Variants in UPP2 observed in about 807,000 individuals in gnomAD.
UPP2 encodes the protein UPase 2.
A neutral mutation model predicts 26.7 loss-of-function variants in UPP2; 23 were observed. The ratio of observed to expected loss-of-function variants is 0.86; its 90% CI spans 0.62 to 1.22. UPP2 has a LOEUF of 1.22. UPP2 is among the 50% of genes most tolerant of loss of function. UPP2 has a pLI of 0.00. For synonymous variants in UPP2, 127 were observed against 141.3 expected, an observed-to-expected ratio of 0.90 and a Z score of 0.72; for missense variants, 387 against 396.7, an observed-to-expected ratio of 0.98 and a Z score of 0.21.
At chr2:158,133,357 G>A (rs1683863860) in intron 6 of UPP2, among the ~76,000 whole-genome samples, 1 of 152,172 alleles carries the variant, frequency 6.6e-6, no homozygotes, top group Non-Finnish European at 1.5e-5. Context: ...GTGGTTACCA[G>A]AGTATAGGGG....
At chr2:158,121,293 T>G in intron 4 of UPP2, 116 bp from the exon 5 acceptor site, 1 of 900,294 alleles carries the variant, frequency 1.1e-6, no homozygotes, top group Non-Finnish European at 1.8e-6. Context: ...ATTTTAAAGT[T>G]GAAAACAGGG....
rs34807293 is a variant in UPP2 at position 158,012,263 on chromosome 2, CTTTTTTTTTT to C, written c.62-3522_62-3513del. ...AATAATCTTTCTGAATTGTTTCTAC[CTTTTTTTTTT>C]TTTTTTTTTTTTTTTGAGAGGGGGT... On this transcript the variant is annotated intron_variant, in intron 2 of 9. Transcript: ENST00000605860. Among the ~76,000 whole-genome samples the C allele has an allele frequency of 7.4e-3, 603 of 81,676 alleles. 5 individuals carry two copies. The highest frequency in any genetic ancestry group is 0.024 in the African/African-American group (575 of 24,282). The allele number at this position is 81,676 out of a possible 152,430, so 53.6% of individuals were successfully genotyped here.
At chr2:158,124,189 C>T (rs889751003) in intron 6 of UPP2, among the ~76,000 whole-genome samples, 9 of 152,262 alleles carry the variant, frequency 5.9e-5, no homozygotes, top group Non-Finnish European at 1.0e-4. Flanking sequence ...GTTTCTATTA[C>T]AATTGAATTT....
intron 2 of UPP2, among the ~76,000 whole-genome samples, chr2:158,107,390 T>G (rs948966851): frequency 6.6e-6 from 1 of 152,210 alleles, no homozygotes; most frequent in Admixed American, 6.5e-5. Context: ...ACAAGGAAAT[T>G]AAGTTCAGAG....
chr2:158,055,798 G>A (rs1210386568), intron 3 of UPP2, among the ~76,000 whole-genome samples: 3 of 145,780 alleles, frequency 2.1e-5, no homozygotes, highest in African/African-American at 8.5e-5. Flanking sequence ...TCATGGCGGA[G>A]ATTGTGTTGT....
At chr2:158,008,020 A>G (rs909473355) in intron 2 of UPP2, among the ~76,000 whole-genome samples, 3 of 152,246 alleles carry the variant, frequency 2.0e-5, no homozygotes, top group African/African-American at 7.2e-5. Context: ...ATCTAAGAAT[A>G]CATTTAAGGT....
chr2:158,051,477 A>ATATTT (rs1682157827), intron 3 of UPP2, among the ~76,000 whole-genome samples: 1 of 152,090 alleles, frequency 6.6e-6, no homozygotes, highest in East Asian at 1.9e-4. Flanking sequence ...TATTACTTGG[A>ATATTT]GTGAAGATAA....
intron 2 of UPP2, among the ~76,000 whole-genome samples, chr2:158,015,414 TTTCC>T (rs1370082692): frequency 1.3e-5 from 2 of 152,230 alleles, no homozygotes; most frequent in Admixed American, 6.5e-5. Flanking sequence ...TGTGACATAA[TTTCC>T]TTCCTTTTTT....
intron 3 of UPP2, among the ~76,000 whole-genome samples, chr2:158,070,116 T>C (rs558284801): frequency 6.6e-6 from 1 of 152,268 alleles, no homozygotes; most frequent in East Asian, 1.9e-4. Flanking sequence ...GCTATTTTTA[T>C]ATTATTTAGC....
intron 3 of UPP2, among the ~76,000 whole-genome samples, chr2:158,088,404 T>G (rs1478854930): frequency 6.6e-6 from 1 of 152,218 alleles, no homozygotes; most frequent in Admixed American, 6.5e-5. Context: ...TTTTTAAATT[T>G]TATTAAGTTT....
At chr2:158,040,367 C>T (rs1684067254) in intron 3 of UPP2, among the ~76,000 whole-genome samples, 1 of 152,102 alleles carries the variant, frequency 6.6e-6, no homozygotes, top group African/African-American at 2.4e-5. Flanking sequence ...TTTGTTCATA[C>T]ATCTAGCATT....
chr2:158,062,805 A>G lies in UPP2; in HGVS notation c.148-39235A>G, dbSNP rs370614913. Among the ~76,000 whole-genome samples, 6 of 152,242 alleles carry G rather than the reference A, an allele frequency of 3.9e-5. No individual in the cohort carries two copies. In the East Asian group the frequency reaches 5.8e-4, roughly 15 times the overall value. ...TGCAGAGATAGAAACCAGCTGAACT[A>G]TAAGGGAGATCCAGCATACTGGCAT... On this transcript the variant is annotated intron_variant, in intron 3 of 9. Transcript: ENST00000605860.
chr2:158,088,113 C>T (rs1176907522), intron 3 of UPP2, among the ~76,000 whole-genome samples: 2 of 152,214 alleles, frequency 1.3e-5, no homozygotes, highest in Admixed American at 6.5e-5. Context: ...TCCTCGGGAA[C>T]ACCAATTATT....
intron 5 of UPP2, 98 bp downstream of exon 5, chr2:158,121,716 A>G (rs1683572381): frequency 8.9e-7 from 1 of 1,120,080 alleles, no homozygotes; most frequent in South Asian, 1.5e-5. Context: ...ACTTAAGAAA[A>G]TTAATATTTG....
intron 2 of UPP2, among the ~76,000 whole-genome samples, chr2:158,108,552 A>T (rs1184297861): frequency 2.0e-5 from 3 of 152,052 alleles, no homozygotes; most frequent in Non-Finnish European, 2.9e-5. Flanking sequence ...TGTTTTAGAG[A>T]TAAAAATAAG....
intron 3 of UPP2, among the ~76,000 whole-genome samples, chr2:158,055,218 A>T (rs568439771): frequency 3.3e-5 from 5 of 152,146 alleles, no homozygotes; most frequent in Non-Finnish European, 7.4e-5. Context: ...AGGGTATCAC[A>T]TGGTGAGGGG....
intron 2 of UPP2, among the ~76,000 whole-genome samples, chr2:157,998,198 G>C (rs1019750608): frequency 1.2e-4 from 18 of 152,086 alleles, no homozygotes; most frequent in Non-Finnish European, 1.5e-5. Flanking sequence ...GGGATGCCAT[G>C]CCAGAGCTTC....
intron 3 of UPP2, among the ~76,000 whole-genome samples, chr2:158,034,052 G>A (rs1394713821): frequency 6.6e-6 from 1 of 152,176 alleles, no homozygotes; most frequent in African/African-American, 2.4e-5. Flanking sequence ...AGAGAACAGT[G>A]TAAGGCTCCA....
chr2:158,023,534 C>G (rs1468808684), intron 3 of UPP2, among the ~76,000 whole-genome samples: 1 of 152,144 alleles, frequency 6.6e-6, no homozygotes, highest in Non-Finnish European at 1.5e-5. Flanking sequence ...AGCAATAACA[C>G]CTGAAGCCAG....
Sources: allele counts gnomAD v4.1 joint callset (sites outside exome capture counted in the v4.1 genomes callset), GRCh38; gene constraint gnomAD v4.1.1; transcripts MANE v1.5; gene names NCBI Gene and HGNC (gene_info 2026-07-23, HGNC 2026-07-21).